CA10: variants seen among roughly 807,000 people sequenced by gnomAD.
The protein encoded by CA10 is carbonic anhydrase-related protein 10.
A neutral mutation model predicts 44.2 loss-of-function variants in CA10; 14 were observed. The observed-to-expected ratio is 0.32, with a 90% CI of 0.21 to 0.50. CA10 has a LOEUF of 0.50. Among genes scored for constraint, CA10 ranks in the 20% least tolerant of loss-of-function variants. The pLI is 0.99. For missense variants in CA10, 350 were observed against 409.7 expected, an observed-to-expected ratio of 0.85 and a Z score of 1.26; for synonymous variants, 159 against 141.6, an observed-to-expected ratio of 1.12 and a Z score of -0.87.
chr17:51,727,021 C>A (rs1916548914), intron 4 of CA10, among the ~76,000 whole-genome samples: 1 of 152,200 alleles, frequency 6.6e-6, no homozygotes, highest in Non-Finnish European at 1.5e-5. Flanking sequence ...GTGTGTGATG[C>A]ATGTCAATTG....
chr17:51,652,871 A>G (rs191239101), intron 5 of CA10, among the ~76,000 whole-genome samples: 149 of 152,274 alleles, frequency 9.8e-4, no homozygotes, highest in Non-Finnish European at 2.0e-3. Context: ...GTGACTGCTA[A>G]TGTTTGGAAC....
intron 3 of CA10, among the ~76,000 whole-genome samples, chr17:51,811,493 A>C (rs1336402314): frequency 6.6e-6 from 1 of 152,062 alleles, no homozygotes; most frequent in Non-Finnish European, 1.5e-5. Flanking sequence ...TGTCCAAGTA[A>C]TCTCATTGTT....
intron 3 of CA10, among the ~76,000 whole-genome samples, chr17:51,752,813 G>A (rs1218039019): frequency 4.6e-5 from 7 of 152,180 alleles, no homozygotes; most frequent in East Asian, 1.9e-4. Context: ...GCAGCTACTC[G>A]GAAGGCTGAG....
At chr17:51,733,337 C>T (rs1034286950) in intron 4 of CA10, among the ~76,000 whole-genome samples, 2 of 152,138 alleles carry the variant, frequency 1.3e-5, no homozygotes, top group South Asian at 2.1e-4. Context: ...CCACGCTTCG[C>T]CTCACTGTTG....
chr17:51,757,033 C>G (rs1474997037), intron 3 of CA10, among the ~76,000 whole-genome samples: 1 of 152,066 alleles, frequency 6.6e-6, no homozygotes, highest in Non-Finnish European at 1.5e-5. Context: ...ATTCAACGGC[C>G]GTGTCATGAA....
At chr17:51,689,770 AG>A (rs1416657044) in intron 4 of CA10, among the ~76,000 whole-genome samples, 1 of 152,030 alleles carries the variant, frequency 6.6e-6, no homozygotes, top group Non-Finnish European at 1.5e-5. Context: ...TCCTTCCTTT[AG>A]CATTTTAAAA....
At chr17:51,758,531 C>T (rs547290695) in intron 3 of CA10, among the ~76,000 whole-genome samples, 51 of 152,280 alleles carry the variant, frequency 3.3e-4, no homozygotes, top group Non-Finnish European at 1.0e-4. Flanking sequence ...TCTTGCCACA[C>T]GTAGTCATTG....
intron 1 of CA10, among the ~76,000 whole-genome samples, chr17:52,105,259 G>T (rs200926353): frequency 2.4e-4 from 36 of 147,834 alleles, no homozygotes; most frequent in Admixed American, 4.0e-4. Context: ...ATGTTTTTTT[G>T]TTTTTTTTTT....
At chr17:52,128,544 TA>T (rs1230834096) in intron 1 of CA10, among the ~76,000 whole-genome samples, 1 of 152,224 alleles carries the variant, frequency 6.6e-6, no homozygotes, top group Non-Finnish European at 1.5e-5. Flanking sequence ...GAATGGCTTC[TA>T]ATCCTATCTC....
intron 1 of CA10, among the ~76,000 whole-genome samples, chr17:52,128,451 G>A (rs971889285): frequency 2.0e-5 from 3 of 152,226 alleles, no homozygotes; most frequent in Admixed American, 6.5e-5. Context: ...CTGTCCCCCT[G>A]CTGAATCTGA....
At chr17:51,668,857 C>T (rs1914305454) in intron 4 of CA10, among the ~76,000 whole-genome samples, 3 of 152,196 alleles carry the variant, frequency 2.0e-5, no homozygotes, top group African/African-American at 7.2e-5. Context: ...AGCGCGCCCA[C>T]ACTTGGAGCG....
At chr17:51,850,580 G>C (rs1418363411) in intron 3 of CA10, among the ~76,000 whole-genome samples, 1 of 152,208 alleles carries the variant, frequency 6.6e-6, no homozygotes, top group Non-Finnish European at 1.5e-5. Context: ...TTATGAGGCA[G>C]GTACTACTGT....
At position 51,645,790 on chromosome 17, in the gene CA10, T is replaced by G. The variant is rs1218743433; in HGVS notation, c.634+3392A>C. Among the ~76,000 whole-genome samples the G allele has an allele frequency of 4.6e-5, 7 of 152,234 alleles. No homozygotes were observed. The East Asian group carries it at 1.2e-3, about 25-fold the overall frequency. On this transcript the variant is annotated intron_variant, in intron 6 of 8. Transcript: ENST00000451037. ...ACCTGTATTTGGATACTTGCTCTTC[T>G]ACTATGGAAGAATATTTTTCAGGAA...
intron 3 of CA10, among the ~76,000 whole-genome samples, chr17:51,883,745 C>T (rs1980476723): frequency 6.6e-6 from 1 of 152,146 alleles, no homozygotes; most frequent in Non-Finnish European, 1.5e-5. Flanking sequence ...AGTCCTTAAG[C>T]CTTTTGTCTA....
chr17:51,765,326 A>G (rs1005742238), intron 3 of CA10, among the ~76,000 whole-genome samples: 7 of 152,210 alleles, frequency 4.6e-5, no homozygotes, highest in African/African-American at 1.7e-4. Flanking sequence ...TCATAAATTA[A>G]CTATCCAACT....
intron 2 of CA10, among the ~76,000 whole-genome samples, chr17:51,974,701 T>A (rs1984402343): frequency 6.6e-6 from 1 of 152,088 alleles, no homozygotes; most frequent in Admixed American, 6.5e-5. Context: ...GAAAATAAAA[T>A]TTTAAAAGCT....
intron 3 of CA10, among the ~76,000 whole-genome samples, chr17:51,834,277 T>C (rs1424628569): frequency 1.3e-5 from 2 of 152,204 alleles, no homozygotes; most frequent in Non-Finnish European, 2.9e-5. Context: ...ATATGATGCA[T>C]GCATGAGAAT....
intron 2 of CA10, among the ~76,000 whole-genome samples, chr17:51,938,225 A>C (rs999558035): frequency 6.6e-6 from 1 of 152,192 alleles, no homozygotes; most frequent in Admixed American, 6.5e-5. Context: ...TAAATGGTCT[A>C]GCATAATGTT....
At chr17:52,078,284 A>G (rs908500284) in intron 1 of CA10, among the ~76,000 whole-genome samples, 2 of 152,230 alleles carry the variant, frequency 1.3e-5, no homozygotes, top group Non-Finnish European at 2.9e-5. Context: ...TGCAATAGGG[A>G]ACAGAAGAGC....
Sources: gnomAD v4.1 joint callset for allele counts (sites outside exome capture counted in the v4.1 genomes callset) on GRCh38, gnomAD v4.1.1 for gene constraint, MANE v1.5 for transcripts, NCBI Gene and HGNC (gene_info 2026-07-23, HGNC 2026-07-21) for gene names.